The following IST1 variants were observed in gnomAD, a reference collection of about 807,000 sequenced individuals.
IST1 encodes the protein IST1 factor associated with ESCRT-III, also known as IST1 homolog.
In IST1, 23 loss-of-function variants were observed where a neutral mutation model predicts 37.0. That is an observed-to-expected ratio of 0.62 (90% CI 0.45 to 0.88). The LOEUF is 0.88. Ranked by LOEUF, IST1 falls within the 40% of genes least tolerant of loss-of-function variation. The pLI is 0.00. For missense variants in IST1, 488 were observed against 445.4 expected, an observed-to-expected ratio of 1.10 and a Z score of -0.86; for synonymous variants, 180 against 161.7, an observed-to-expected ratio of 1.11 and a Z score of -0.86.
chr16:71,916,944 G>T, intron 3 of IST1, 103 bp from the exon 4 acceptor site: 1 of 702,512 alleles, frequency 1.4e-6, no homozygotes, highest in Admixed American at 3.1e-5. Flanking sequence ...AATCTAGTGA[G>T]ATTCACAGAA....
chr16:71,912,082 G>T (rs2037367566), intron 1 of IST1, among the ~76,000 whole-genome samples: 1 of 151,964 alleles, frequency 6.6e-6, no homozygotes. Flanking sequence ...GAATGCACCA[G>T]TTTTCTCACT....
At chr16:71,916,340 CTA>C (rs2037465535) in intron 2 of IST1, 120 bp from the exon 3 acceptor site, 1 of 894,296 alleles carries the variant, frequency 1.1e-6, no homozygotes. Flanking sequence ...ATTAGATTTG[CTA>C]AAGGAGAGGA....
At chr16:71,918,668 G>A (rs535382212) in intron 4 of IST1, among the ~76,000 whole-genome samples, 747 of 152,088 alleles carry the variant, frequency 4.9e-3, no homozygotes, top group Non-Finnish European at 9.1e-3. Flanking sequence ...CGCCTGCCTC[G>A]GCCTCCCAAA....
At chr16:71,895,038 G>T (rs1286936271), upstream of IST1, 1 of 498,378 alleles carries the variant, frequency 2.0e-6, no homozygotes, top group Non-Finnish European at 3.6e-6. Context: ...AGAGGGACAC[G>T]GAGGCGCTGG....
chr16:71,925,263 C>T (rs2142604006), intron 9 of IST1, among the ~76,000 whole-genome samples: 1 of 150,870 alleles, frequency 6.6e-6, no homozygotes, highest in Non-Finnish European at 1.5e-5. Context: ...GATCCGCCTG[C>T]CTTGGCCTCC....
upstream of IST1, chr16:71,894,675 A>ACTG: frequency 1.8e-6 from 1 of 570,894 alleles, no homozygotes; most frequent in Non-Finnish European, 3.1e-6. Flanking sequence ...ACAAGTGCTC[A>ACTG]CTGCTGCTCC....
At chr16:71,911,149 G>A (rs1184451857) in intron 1 of IST1, among the ~76,000 whole-genome samples, 1 of 152,092 alleles carries the variant, frequency 6.6e-6, no homozygotes, top group East Asian at 1.9e-4. Flanking sequence ...GCTGAGGCAG[G>A]AGAATAGCTT....
At chr16:71,919,976 C>T (rs375663090) in intron 4 of IST1, among the ~76,000 whole-genome samples, 4 of 152,230 alleles carry the variant, frequency 2.6e-5, no homozygotes, top group South Asian at 2.1e-4. Context: ...GGAACAATGG[C>T]GAGCGCACAC....
chr16:71,910,478 C>T (rs894478107), intron 1 of IST1, among the ~76,000 whole-genome samples: 2 of 151,758 alleles, frequency 1.3e-5, no homozygotes, highest in East Asian at 1.9e-4. Flanking sequence ...TGGTGGCGGG[C>T]GCCCGTAGTC....
At chr16:71,904,743 C>G (rs184507889) in intron 1 of IST1, among the ~76,000 whole-genome samples, 2 of 152,218 alleles carry the variant, frequency 1.3e-5, no homozygotes, top group Non-Finnish European at 2.9e-5. Context: ...GCATATATAC[C>G]TTTCCCATAC....
In IST1 at chr16:71,923,342, C is replaced by T. The variant is rs757551012; in HGVS notation, c.814C>T (p.Pro272Ser). 1 of 1,612,216 alleles carries T rather than the reference C, an allele frequency of 6.2e-7. No homozygotes were observed. The highest frequency in any genetic ancestry group is 1.7e-5 in the Admixed American group (1 of 59,960). The stretch of plus-strand genomic sequence containing the variant: ...TTATCAGGCCTTTCCCAATATTCAT[C>T]CACCTCAGATACCAGCAACTCCCCC... ...GTYQAFPNIH[P>S]PQIPATPPSY... Residue 272 changes from proline (P) to serine (S), a missense_variant, in exon 8 of 10, where the codon CCA becomes TCA. Transcript: ENST00000378799.
At chr16:71,899,062 C>A (rs550545149) in intron 1 of IST1, among the ~76,000 whole-genome samples, 11 of 151,838 alleles carry the variant, frequency 7.2e-5, no homozygotes, top group African/African-American at 2.4e-4. Context: ...GATGAAGATA[C>A]TTTCTTTATG....
At chr16:71,898,354 G>GAC (rs1173563631) in intron 1 of IST1, among the ~76,000 whole-genome samples, 1 of 127,518 alleles carries the variant, frequency 7.8e-6, no homozygotes, top group African/African-American at 2.9e-5. Context: ...TGGTGACAGA[G>GAC]ACACTCTCTC....
At chr16:71,919,795 G>A (rs1252486603) in intron 4 of IST1, among the ~76,000 whole-genome samples, 2 of 152,154 alleles carry the variant, frequency 1.3e-5, no homozygotes, top group African/African-American at 4.8e-5. Context: ...GTGATAGCAT[G>A]GTGCACCTTC....
chr16:71,922,104 C>T (rs1208903418), intron 6 of IST1, among the ~76,000 whole-genome samples: 1 of 152,028 alleles, frequency 6.6e-6, no homozygotes, highest in Admixed American at 6.5e-5. Context: ...TGTGCCACTG[C>T]ACTCCAGTCT....
rs1017177166 is a variant in IST1 at position 71,919,972 on chromosome 16, A to G, written c.358-767A>G. ...AAGGGTGCTCCTTGCAGATGGAACA[A>G]TGGCGAGCGCACACTGAACAAAGGG... On this transcript the variant is annotated intron_variant, in intron 4 of 9. Transcript: ENST00000378799. Among the ~76,000 whole-genome samples the G allele has an allele frequency of 7.9e-5, 12 of 152,230 alleles. No homozygotes were observed. The East Asian group carries it at 1.5e-3, about 20-fold the overall frequency.
intron 4 of IST1, 50 bp downstream of exon 4, chr16:71,917,184 A>G: frequency 8.7e-7 from 1 of 1,153,684 alleles, no homozygotes. Context: ...TATTGTTAGA[A>G]AGGTTGGTTA....
intron 3 of IST1, 101 bp from the exon 4 acceptor site, chr16:71,916,946 T>G: frequency 1.4e-6 from 1 of 708,622 alleles, no homozygotes; most frequent in East Asian, 2.7e-5. Flanking sequence ...TCTAGTGAGA[T>G]TCACAGAATG....
intron 9 of IST1, 115 bp from the exon 10 acceptor site, chr16:71,927,499 A>C (rs1312717895): frequency 1.2e-6 from 1 of 801,772 alleles, no homozygotes; most frequent in South Asian, 1.7e-5. Context: ...AAAAAAAAAA[A>C]AAAGTTTGTG....
Sources: gnomAD v4.1 joint callset for allele counts (sites outside exome capture counted in the v4.1 genomes callset) on GRCh38, gnomAD v4.1.1 for gene constraint, MANE v1.5 for transcripts, NCBI Gene and HGNC (gene_info 2026-07-23, HGNC 2026-07-21) for gene names.